The following NDUFAF2 variants were observed in gnomAD, a reference collection of about 807,000 sequenced individuals.
The protein encoded by NDUFAF2 is NADH dehydrogenase [ubiquinone] 1 alpha subcomplex assembly factor 2.
Under a neutral mutation model 22.8 loss-of-function variants are expected in NDUFAF2, and 13 were observed. The observed-to-expected ratio is 0.57, with a 90% CI of 0.37 to 0.91. The LOEUF (loss-of-function observed/expected upper bound fraction) is 0.91, where lower values mean the gene tolerates loss of function less well. Among genes scored for constraint, NDUFAF2 ranks in the 40% least tolerant of loss-of-function variants. The pLI is 0.01. For synonymous variants in NDUFAF2, 53 were observed against 64.2 expected (o/e 0.83, Z 0.84); for missense variants, 162 against 195.2 (o/e 0.83, Z 1.01).
intron 2 of NDUFAF2, among the ~76,000 whole-genome samples, chr5:61,085,005 A>C (rs1752489655): frequency 6.6e-6 from 1 of 152,182 alleles, no homozygotes; most frequent in Admixed American, 6.6e-5. Flanking sequence ...AGGATGGGCC[A>C]CATATTCTTT....
intron 1 of NDUFAF2, 140 bp from the exon 2 acceptor site, chr5:61,072,985 C>T (rs1416708467): frequency 1.6e-6 from 1 of 619,160 alleles, no homozygotes; most frequent in Non-Finnish European, 2.8e-6. Flanking sequence ...ATACCTAATT[C>T]AAAATGGAAA....
chr5:61,043,928 A>G (rs1282402821), intron 1 of NDUFAF2, among the ~76,000 whole-genome samples: 2 of 152,134 alleles, frequency 1.3e-5, no homozygotes, highest in African/African-American at 4.8e-5. Context: ...AGGAACCACC[A>G]CACTATTTTC....
chr5:60,958,954 A>G (rs940848696), intron 1 of NDUFAF2, among the ~76,000 whole-genome samples: 2 of 152,126 alleles, frequency 1.3e-5, no homozygotes, highest in African/African-American at 4.8e-5. Flanking sequence ...ACTTGTTAAG[A>G]TACCCAGTCA....
intron 3 of NDUFAF2, among the ~76,000 whole-genome samples, chr5:61,144,887 T>C (rs546041593): frequency 6.6e-6 from 1 of 152,342 alleles, no homozygotes; most frequent in South Asian, 2.1e-4. Flanking sequence ...CTCCTCTTTA[T>C]AATTCAAATA....
intron 2 of NDUFAF2, among the ~76,000 whole-genome samples, chr5:61,081,382 T>C (rs768886364): frequency 2.6e-5 from 4 of 152,188 alleles, no homozygotes; most frequent in Non-Finnish European, 4.4e-5. Context: ...AAGAATAACA[T>C]AGTCATCTTG....
At chr5:61,084,148 C>T (rs908466334) in intron 2 of NDUFAF2, among the ~76,000 whole-genome samples, 5 of 151,542 alleles carry the variant, frequency 3.3e-5, no homozygotes, top group African/African-American at 9.7e-5. Flanking sequence ...TTCTATTCCT[C>T]GGTTGCTGGG....
chr5:60,984,940 T>C (rs1236924416), intron 1 of NDUFAF2, among the ~76,000 whole-genome samples: 4 of 152,220 alleles, frequency 2.6e-5, no homozygotes, highest in African/African-American at 9.6e-5. Context: ...CCTCATTTTC[T>C]ATTGATTGGA....
At chr5:61,015,866 G>T (rs981847905) in intron 1 of NDUFAF2, among the ~76,000 whole-genome samples, 1 of 152,116 alleles carries the variant, frequency 6.6e-6, no homozygotes, top group Non-Finnish European at 1.5e-5. Context: ...TTAACAATTA[G>T]ATGTGTGGCT....
chr5:60,998,209 A>G (rs1751252324), intron 1 of NDUFAF2, among the ~76,000 whole-genome samples: 1 of 152,296 alleles, frequency 6.6e-6, no homozygotes, highest in Non-Finnish European at 1.5e-5. Context: ...AGTAAGGCTA[A>G]TTGTTATTGG....
At chr5:61,036,573 T>C (rs1439087114) in intron 1 of NDUFAF2, among the ~76,000 whole-genome samples, 3 of 152,206 alleles carry the variant, frequency 2.0e-5, no homozygotes, top group Non-Finnish European at 4.4e-5. Context: ...ATTTGAAGAC[T>C]GCTAAATAAA....
intron 1 of NDUFAF2, among the ~76,000 whole-genome samples, chr5:61,067,626 G>T (rs1469210697): frequency 5.3e-5 from 8 of 152,130 alleles, no homozygotes; most frequent in Non-Finnish European, 8.8e-5. Context: ...ACATACGTGT[G>T]CATGTGTCTT....
At chr5:61,049,814 T>G (rs1751999793) in intron 1 of NDUFAF2, among the ~76,000 whole-genome samples, 1 of 150,950 alleles carries the variant, frequency 6.6e-6, no homozygotes, top group African/African-American at 2.4e-5. Flanking sequence ...ATGTGTGTAT[T>G]TATATACATA....
intron 3 of NDUFAF2, among the ~76,000 whole-genome samples, chr5:61,132,230 G>A (rs549278507): frequency 5.9e-5 from 9 of 152,252 alleles, no homozygotes; most frequent in African/African-American, 2.2e-4. Flanking sequence ...CATCTCTCGA[G>A]GATTTAGAAC....
At chr5:61,146,973 C>A (rs536964006) in intron 3 of NDUFAF2, among the ~76,000 whole-genome samples, 2 of 152,128 alleles carry the variant, frequency 1.3e-5, no homozygotes, top group African/African-American at 4.8e-5. Flanking sequence ...TATAACAGTT[C>A]CCATTTCTTT....
chr5:61,005,517 T>A (rs56350217), intron 1 of NDUFAF2, among the ~76,000 whole-genome samples: 58,703 of 152,012 alleles, frequency 0.39, 12,341 homozygotes, highest in East Asian at 0.8. Flanking sequence ...TGCCACACTG[T>A]CTTCCACAAT....
chr5:61,085,369 A>T (rs1389047309), intron 2 of NDUFAF2, among the ~76,000 whole-genome samples: 1 of 152,188 alleles, frequency 6.6e-6, no homozygotes, highest in Non-Finnish European at 1.5e-5. Context: ...CTCTCCACAA[A>T]CTTAAAATAG....
intron 1 of NDUFAF2, among the ~76,000 whole-genome samples, chr5:60,999,754 T>C (rs56043434): frequency 0.02 from 3,083 of 152,192 alleles, 119 homozygotes; most frequent in African/African-American, 0.07. Flanking sequence ...TACACTAGTT[T>C]GTAGGATGAA....
intron 1 of NDUFAF2, among the ~76,000 whole-genome samples, chr5:60,992,305 G>A (rs565777421): frequency 2.0e-5 from 3 of 152,238 alleles, no homozygotes; most frequent in South Asian, 4.2e-4. Context: ...GACACTTGAC[G>A]TGATCCCATT....
At chr5:61,141,090 G>A (rs1161227716) in intron 3 of NDUFAF2, among the ~76,000 whole-genome samples, 1 of 152,042 alleles carries the variant, frequency 6.6e-6, no homozygotes, top group East Asian at 1.9e-4. Flanking sequence ...AGCCGGACGT[G>A]GTGGCACATG....
Sources: allele counts gnomAD v4.1 joint callset (sites outside exome capture counted in the v4.1 genomes callset), GRCh38; gene constraint gnomAD v4.1.1; transcripts MANE v1.5; gene names NCBI Gene and HGNC (gene_info 2026-07-23, HGNC 2026-07-21).